The following EPHA2 variants were observed in gnomAD, a reference collection of about 807,000 sequenced individuals.
EPHA2 encodes EPH receptor A2, also known as ephrin type-A receptor 2.
Under a neutral mutation model 104.9 loss-of-function variants are expected in EPHA2, and 54 were observed. The observed-to-expected ratio is 0.51, with a 90% CI of 0.41 to 0.65. The LOEUF (loss-of-function observed/expected upper bound fraction) is 0.65, where lower values mean the gene tolerates loss of function less well. Ranked by LOEUF, EPHA2 falls within the 30% of genes least tolerant of loss-of-function variation. The probability of loss-of-function intolerance (pLI) is 0.00; values close to 1 mark genes in which losing one functional copy is unlikely to be tolerated. For missense variants in EPHA2, 1,117 were observed against 1,369.5 expected, an observed-to-expected ratio of 0.82 and a Z score of 2.91; for synonymous variants, 560 against 559.1, an observed-to-expected ratio of 1.00 and a Z score of -0.02.
Position 16,129,539 on chromosome 1 carries a change from C to T in EPHA2, c.2720G>A (p.Arg907His), listed in dbSNP as rs765722529. ...GGACTCCAGCCACTCGGACACCGTG[C>T]GGAAGGGCACCCCCTCCGAGCCGCT... The part of the protein sequence containing the change: ...STSGSEGVPF[R>H]TVSEWLESIK... Residue 907 changes from arginine (R) to histidine (H), a missense_variant, in exon 16 of 17, where the codon CGC becomes CAC. Transcript: ENST00000358432. The T allele has an allele frequency of 8.1e-6, 13 of 1,613,074 alleles. No individual in the cohort carries two copies. The highest frequency in any genetic ancestry group is 6.7e-5 in the East Asian group (3 of 44,882).
At position 16,150,472 on chromosome 1, in the gene EPHA2, A is replaced by G. The variant is rs866263058; in HGVS notation, c.153+424T>C. Among the ~76,000 whole-genome samples the G allele has an allele frequency of 2.6e-5, 4 of 152,294 alleles. No homozygotes were observed. The highest frequency in any genetic ancestry group is 3.4e-3 in the Middle Eastern group (1 of 294). On this transcript the variant is annotated intron_variant, in intron 2 of 16. Transcript: ENST00000358432. The surrounding 1 kb of genome is among the most constrained non-coding windows in gnomAD (Gnocchi z 4.8). ...AAAGGGGCGGGCAGGAAGGAACTTG[A>G]TCAGGTTTTCCTGTTCCCTGTCTCT...
rs1394781268 is a variant in EPHA2 at position 16,138,009 on chromosome 1, A to C, written c.1156T>G (p.Ser386Ala). ...CGPCEASVRYSEPPHGLTRTS... is the reference protein window; with the variant it reads ...CGPCEASVRYAEPPHGLTRTS... ...CGGGTCAGTCCGTGAGGAGGCTCCG[A>C]GTAGCGCACACTGGCCTCACACGGC... is the stretch of plus-strand genomic sequence containing the variant. The change falls in exon 5 of 17, where the codon TCG (serine) becomes GCG (alanine). Residue 386 changes from serine to alanine, a missense_variant. This residue lies in a region of EPHA2 where 664 missense variants were observed against 784.8 expected (regional missense o/e 0.85). Transcript: ENST00000358432. 1 of 1,613,818 alleles carries C rather than the reference A, an allele frequency of 6.2e-7. No homozygotes were observed. The highest frequency in any genetic ancestry group is 8.5e-7 in the Non-Finnish European group (1 of 1,180,016).
chr1:16,130,231 G>A lies in EPHA2; in HGVS notation c.2664C>T (p.Asp888=). The change falls in exon 15 of 17, where the codon GAC becomes GAT. Residue 888 remains aspartate, a synonymous_variant. Coordinates refer to ENST00000358432, the MANE Select transcript of EPHA2 (RefSeq NM_004431.5). This position sits in a 1 kb window ranked among gnomAD's most constrained non-coding sequence, Gnocchi z 4.5. ...PDSLKTLADF[D]PRVSIRLPST... is the part of the protein sequence containing the mutation. ...GCAGAGGGCATAGAACTCACCGGGG[G>A]TCAAAGTCAGCCAGGGTCTTGAGGG... The A allele has an allele frequency of 2.5e-6, 4 of 1,614,156 alleles. No homozygotes were observed. Among genetic ancestry groups the A allele is most frequent in the Non-Finnish European group, 3.4e-6 (4 of 1,180,016 alleles).
rs576660846 is a variant in EPHA2, at chr1:16,155,797, AG to A, written c.85+50del. 76 of 1,314,766 alleles carry A rather than the reference AG, an allele frequency of 5.8e-5. No individual in the cohort carries two copies. In the African/African-American group the frequency reaches 1.1e-3, roughly 18 times the overall value. 81.4% of individuals were successfully genotyped at this position (1,314,766 alleles called of 1,614,324 possible). A position where few individuals can be genotyped will look rare whatever the true frequency, so the allele number is the denominator to read the frequency against. On this transcript the variant is annotated intron_variant, in intron 1 of 16. Coordinates refer to ENST00000358432, the MANE Select transcript of EPHA2 (RefSeq NM_004431.5). ...CGCGCGTCAAGGAGCGCCGGGCTCT[AG>A]GGGGCACTGGGGCCCGGGGGCCAGG... is the stretch of plus-strand genomic sequence containing the variant.
intron 3 of EPHA2, 125 bp from the exon 4 acceptor site, chr1:16,138,555 C>T (rs957607173): frequency 2.5e-5 from 35 of 1,402,978 alleles, no homozygotes; most frequent in Non-Finnish European, 2.6e-5. Context: ...CTCTATGGAC[C>T]TGTTTTCTCA....
chr1:16,130,469 C>T lies in EPHA2; in HGVS notation c.2476-50G>A. ...CGCTGTTGCAGAAAGCCACTGAAAC[C>T]CTCTGCAGCCTCCAGCCTATGGAGG... On this transcript the variant is annotated intron_variant, in intron 14 of 16. Transcript: ENST00000358432. The surrounding 1 kb of genome is among the most constrained non-coding windows in gnomAD (Gnocchi z 4.5). 6.7e-7 allele frequency: 1 copy of T among 1,501,854 alleles called. No individual in the cohort carries two copies. The highest frequency in any genetic ancestry group is 1.4e-5 in the South Asian group (1 of 73,810). The allele number at this position is 1,501,854 out of a possible 1,614,324, so 93.0% of individuals were successfully genotyped here. A position where few individuals can be genotyped will look rare whatever the true frequency, so the allele number is the denominator to read the frequency against.
Position 16,125,142 on chromosome 1 carries a change from C to G in EPHA2, c.*73G>C. On this transcript the variant is annotated 3_prime_UTR_variant, in exon 17 of 17. Transcript: ENST00000358432. The surrounding 1 kb of genome is among the most constrained non-coding windows in gnomAD (Gnocchi z 4.9). ...ATAAATAAAGTCCCCAGTGGCCCAG[C>G]ATGGCACAGCAGGGAGGCCACTCTG... is the stretch of plus-strand genomic sequence containing the variant. The G allele has an allele frequency of 7.2e-7, 1 of 1,394,718 alleles. No individual in the cohort carries two copies. 86.4% of individuals were successfully genotyped at this position (1,394,718 alleles called of 1,614,324 possible). A position where few individuals can be genotyped will look rare whatever the true frequency, so the allele number is the denominator to read the frequency against.
Position 16,130,992 on chromosome 1 carries a change from G to A in EPHA2, c.2476-573C>T, listed in dbSNP as rs1247926826. Among the ~76,000 whole-genome samples the A allele has an allele frequency of 2.0e-5, 3 of 152,076 alleles. No individual in the cohort carries two copies. The highest frequency in any genetic ancestry group is 7.2e-5 in the African/African-American group (3 of 41,392). On this transcript the variant is annotated intron_variant, in intron 14 of 16. Transcript: ENST00000358432. The surrounding 1 kb of genome is among the most constrained non-coding windows in gnomAD (Gnocchi z 4.5). ...AGCCACACTGTGTACCCTCAGCCCA[G>A]CCTCCCTCCCATCTCTCTTCCCCTC... is the stretch of plus-strand genomic sequence containing the variant.
At chr1:16,153,717 GCCACGTGGGCAA>G (rs2025090847) in intron 1 of EPHA2, among the ~76,000 whole-genome samples, 1 of 152,172 alleles carries the variant, frequency 6.6e-6, no homozygotes, top group Non-Finnish European at 1.5e-5. Flanking sequence ...CCTAACAGGA[GCCACGTGGGCAA>G]CCAAGTATAG....
At chr1:16,138,555 CT>C in intron 3 of EPHA2, 125 bp from the exon 4 acceptor site, 2 of 1,403,096 alleles carry the variant, frequency 1.4e-6, no homozygotes, top group Non-Finnish European at 2.0e-6. Flanking sequence ...CTCTATGGAC[CT>C]GTTTTCTCAT....
chr1:16,125,648 T>G lies in EPHA2; in HGVS notation c.2826-328A>C, dbSNP rs2024452812. On this transcript the variant is annotated intron_variant, in intron 16 of 16. Coordinates refer to ENST00000358432, the MANE Select transcript of EPHA2 (RefSeq NM_004431.5). This position sits in a 1 kb window ranked among gnomAD's most constrained non-coding sequence, Gnocchi z 4.9. ...TTATCTGTGAGGCAGGTGCTCTTTT[T>G]CATCCCCATTTTGCAGATTAGAGAA... 6.6e-6 allele frequency among the ~76,000 whole-genome samples: 1 copy of G among 152,190 alleles called. No homozygotes were observed. The highest frequency in any genetic ancestry group is 6.5e-5 in the Admixed American group (1 of 15,278).
intron 11 of EPHA2, 96 bp downstream of exon 11, chr1:16,133,084 G>C: frequency 1.3e-6 from 2 of 1,531,548 alleles, no homozygotes; most frequent in Non-Finnish European, 1.8e-6. Flanking sequence ...GTGGGGGGAA[G>C]GTGGGCACAG....
intron 3 of EPHA2, among the ~76,000 whole-genome samples, chr1:16,145,149 G>A (rs912599060): frequency 1.4e-4 from 22 of 152,340 alleles, no homozygotes; most frequent in Non-Finnish European, 5.9e-5. Flanking sequence ...GCGGTCCCCA[G>A]GGCTGAGGCG....
intron 11 of EPHA2, 67 bp downstream of exon 11, chr1:16,133,113 C>T (rs537498401): frequency 2.5e-6 from 4 of 1,599,670 alleles, no homozygotes; most frequent in African/African-American, 1.3e-5. Context: ...GAGGTGGGCA[C>T]AGTCACAGAC....
In EPHA2 at chr1:16,148,481, AC is replaced by A; in HGVS notation, c.719del (p.Gly240ValfsTer153). The A allele has an allele frequency of 6.2e-7, 1 of 1,613,174 alleles. No individual in the cohort carries two copies. Among genetic ancestry groups the A allele is most frequent in the Non-Finnish European group, 8.5e-7 (1 of 1,179,926 alleles). On this transcript the variant is annotated frameshift_variant, in exon 3 of 17. Transcript: ENST00000358432. LOFTEE classifies it high-confidence loss of function. This position sits in a 1 kb window ranked among gnomAD's most constrained non-coding sequence, Gnocchi z 4.9. ...CVDHAVVPPG[G>X]EEPRMHCAVD... ...CTGCACAGTGCATACGGGGCTCTTC[AC>A]CCCCCGGTGGCACCACGGCATGGTC...
chr1:16,135,852 G>C lies in EPHA2; in HGVS notation c.1313-82C>G. 1.4e-6 allele frequency: 1 copy of C among 732,030 alleles called. No individual in the cohort carries two copies. Among genetic ancestry groups the C allele is most frequent in the Non-Finnish European group, 2.5e-6 (1 of 399,216 alleles). 45.3% of individuals were successfully genotyped at this position (732,030 alleles called of 1,614,324 possible). ...GTTTGGGGGGACAAGTGGACGTGGA[G>C]CCACATCCTCCACAGCCCAGATTCT... On this transcript the variant is annotated intron_variant, in intron 5 of 16. Transcript: ENST00000358432. The surrounding 1 kb of genome is among the most constrained non-coding windows in gnomAD (Gnocchi z 4.3).
In EPHA2 at chr1:16,132,235, G is replaced by A. The variant is rs2124201100; in HGVS notation, c.2154C>T (p.Gly718=). ...TGCCAGCTGCGATGCCCCGCAGCAT[G>A]CCCACCAGCTGCAGCACGCTGAACT... ...DGEFSVLQLV[G]MLRGIAAGMK... is the part of the protein sequence containing the mutation. Residue 718 remains glycine, a synonymous_variant, in exon 13 of 17, where the codon GGC becomes GGT. Coordinates refer to ENST00000358432, the MANE Select transcript of EPHA2 (RefSeq NM_004431.5). The A allele has an allele frequency of 6.2e-7, 1 of 1,614,160 alleles. No homozygotes were observed. The highest frequency in any genetic ancestry group is 8.5e-7 in the Non-Finnish European group (1 of 1,180,032).
In EPHA2 at chr1:16,150,706, G is replaced by A. The variant is rs560049051; in HGVS notation, c.153+190C>T. Among the ~76,000 whole-genome samples the A allele has an allele frequency of 2.0e-5, 3 of 152,170 alleles. No individual in the cohort carries two copies. Among genetic ancestry groups the A allele is most frequent in the East Asian group, 1.9e-4 (1 of 5,162 alleles). On this transcript the variant is annotated intron_variant, in intron 2 of 16. Coordinates refer to ENST00000358432, the MANE Select transcript of EPHA2 (RefSeq NM_004431.5). This position sits in a 1 kb window ranked among gnomAD's most constrained non-coding sequence, Gnocchi z 4.8. The stretch of plus-strand genomic sequence containing the variant: ...CACCCACACCCTCGTACCTTCCCAC[G>A]CCCATCCAGCCCTGGCCTGGGCCGG...
chr1:16,131,911 C>T lies in EPHA2; in HGVS notation c.2326-41G>A, dbSNP rs2124199706. 3.7e-6 allele frequency: 6 copies of T among 1,608,094 alleles called. No homozygotes were observed. The highest frequency in any genetic ancestry group is 5.1e-6 in the Non-Finnish European group (6 of 1,177,200). On this transcript the variant is annotated intron_variant, in intron 13 of 16. Transcript: ENST00000358432. This position sits in a 1 kb window ranked among gnomAD's most constrained non-coding sequence, Gnocchi z 5.2. ...GCCCAGTCACCACTGTGCCCTCTGGCTGGCCCCAGGACCATTGCAGCCAAG... is the reference window on the plus strand; with the variant it reads ...GCCCAGTCACCACTGTGCCCTCTGGTTGGCCCCAGGACCATTGCAGCCAAG...
Sources: allele counts gnomAD v4.1 joint callset (sites outside exome capture counted in the v4.1 genomes callset), GRCh38; gene constraint gnomAD v4.1.1; regional missense constraint gnomAD v4.1.1; non-coding constraint Gnocchi (gnomAD v3.1); transcripts MANE v1.5; gene names NCBI Gene and HGNC (gene_info 2026-07-23, HGNC 2026-07-21).